TTC7A: variants seen among roughly 807,000 people sequenced by gnomAD.
The protein encoded by TTC7A is tetratricopeptide repeat domain 7A.
A neutral mutation model predicts 103.7 loss-of-function variants in TTC7A; 110 were observed. That is an observed-to-expected ratio of 1.06 (90% confidence interval 0.91 to 1.24). TTC7A has a LOEUF of 1.24. Among genes scored for constraint, TTC7A ranks in the 50% most tolerant of loss-of-function variants. The pLI is 0.00. For synonymous variants in TTC7A, 521 were observed against 467.9 expected (o/e 1.11, Z -1.47); for missense variants, 1,340 against 1,116.3 (o/e 1.20, Z -2.86).
At chr2:46,917,526 C>G (rs1225139446) in intron 2 of TTC7A, among the ~76,000 whole-genome samples, 1 of 152,170 alleles carries the variant, frequency 6.6e-6, no homozygotes, top group Non-Finnish European at 1.5e-5. Context: ...ACTAGAGATA[C>G]AAATAAGACA....
At chr2:47,031,929 A>ACT (rs1296730301) in intron 15 of TTC7A, among the ~76,000 whole-genome samples, 1 of 151,632 alleles carries the variant, frequency 6.6e-6, no homozygotes, top group East Asian at 1.9e-4. Context: ...AGCTTCCTTG[A>ACT]CTCTCACCCC....
At chr2:47,064,588 C>T (rs1026689663) in intron 19 of TTC7A, among the ~76,000 whole-genome samples, 23 of 152,246 alleles carry the variant, frequency 1.5e-4, no homozygotes, top group African/African-American at 5.3e-4. Flanking sequence ...CCTCTTGGAG[C>T]TTATCTCTGC....
At position 46,956,988 on chromosome 2, in the gene TTC7A, G is replaced by A. The variant is rs758509419; in HGVS notation, c.498G>A (p.Ser166=). ...NKPLYQMRLL[S]EAFVIKGLSL... ...CCCTGTATCAGATGCGGCTGCTGTCGGAGGCTTTTGTCATCAAAGGTAGCT... is the reference window on the plus strand; with the variant it reads ...CCCTGTATCAGATGCGGCTGCTGTCAGAGGCTTTTGTCATCAAAGGTAGCT... The change falls in exon 3 of 20, where the codon TCG becomes TCA. Residue 166 remains serine (S), a synonymous_variant. Transcript: ENST00000319190. 10 of 1,614,016 alleles carry A rather than the reference G, an allele frequency of 6.2e-6. No individual in the cohort carries two copies. The African/African-American group carries it at 8.0e-5, about 13-fold the overall frequency.
Position 46,934,675 on chromosome 2 carries a change from ACT to A in TTC7A, c.83-15685_83-15684del, listed in dbSNP as rs560718158. On this transcript the variant is annotated intron_variant, in intron 2 of 20. Coordinates refer to the TTC7A transcript ENST00000409245. ...CAGTAAGCCTGGATGACAGAGGGAG[ACT>A]CTGTCTCAAAAACAAAAACAAACAA... Among the ~76,000 whole-genome samples the A allele has an allele frequency of 2.7e-3, 409 of 151,674 alleles. 3 individuals carry two copies. The highest frequency in any genetic ancestry group is 9.4e-3 in the African/African-American group (390 of 41,280).
chr2:46,943,191 C>G (rs995799286), intron 1 of TTC7A, among the ~76,000 whole-genome samples: 4 of 152,196 alleles, frequency 2.6e-5, no homozygotes, highest in Non-Finnish European at 2.9e-5. Context: ...GCATGAACCA[C>G]TGTGTCTGGC....
intron 5 of TTC7A, among the ~76,000 whole-genome samples, chr2:46,982,408 C>T (rs1401275364): frequency 1.3e-5 from 2 of 152,062 alleles, no homozygotes; most frequent in Non-Finnish European, 2.9e-5. Context: ...GGAAGGGCCC[C>T]TACTGGGAAA....
chr2:46,938,178 A>G (rs1030898245), upstream of TTC7A, among the ~76,000 whole-genome samples: 38 of 152,160 alleles, frequency 2.5e-4, no homozygotes, highest in African/African-American at 8.7e-4. Context: ...ACTAAAGAAA[A>G]AGAAAAAAGC....
At chr2:46,935,137 C>T (rs746903264) in intron 2 of TTC7A, among the ~76,000 whole-genome samples, 2 of 151,984 alleles carry the variant, frequency 1.3e-5, no homozygotes, top group Non-Finnish European at 2.9e-5. Context: ...ATTACTAGAC[C>T]AACACCCCTG....
chr2:47,041,943 A>G (rs952178971), intron 15 of TTC7A, among the ~76,000 whole-genome samples: 1 of 152,130 alleles, frequency 6.6e-6, no homozygotes, highest in Non-Finnish European at 1.5e-5. Flanking sequence ...ATTTAATTAT[A>G]TACGTATGCA....
chr2:46,986,412 G>A (rs1218711852), intron 5 of TTC7A, among the ~76,000 whole-genome samples: 7 of 152,178 alleles, frequency 4.6e-5, no homozygotes, highest in Non-Finnish European at 5.9e-5. Flanking sequence ...CCCTCACTGC[G>A]GGGTTCGAGC....
intron 3 of TTC7A, 116 bp from the exon 4 acceptor site, chr2:46,974,857 C>T: frequency 2.1e-6 from 3 of 1,454,114 alleles, no homozygotes; most frequent in Non-Finnish European, 9.4e-7. Flanking sequence ...TCCGCCTCCT[C>T]CTGGCTGCAC....
At chr2:47,010,129 C>A (rs1269023532) in intron 10 of TTC7A, among the ~76,000 whole-genome samples, 1 of 152,044 alleles carries the variant, frequency 6.6e-6, no homozygotes, top group African/African-American at 2.4e-5. Flanking sequence ...CATAAGATTG[C>A]TGTAAAAATT....
intron 2 of TTC7A, among the ~76,000 whole-genome samples, chr2:46,954,099 G>A (rs888134112): frequency 6.6e-6 from 1 of 152,120 alleles, no homozygotes; most frequent in Non-Finnish European, 1.5e-5. Context: ...TAATGACTGG[G>A]AAAGTTGGAT....
rs201816540 is a variant in TTC7A, at chr2:46,948,571, C to T, written c.185-1792C>T. 3.3e-5 allele frequency among the ~76,000 whole-genome samples: 5 copies of T among 152,194 alleles called. 1 individual carries two copies. The East Asian group carries it at 7.7e-4, about 23-fold the overall frequency. On this transcript the variant is annotated intron_variant, in intron 1 of 19. Transcript: ENST00000319190. ...TTCTTGGGATTCTGGGCTTTAGAACCGTTCTCTGTGGGGAATCTCCCTTAC... is the reference window on the plus strand; with the variant it reads ...TTCTTGGGATTCTGGGCTTTAGAACTGTTCTCTGTGGGGAATCTCCCTTAC...
intron 8 of TTC7A, among the ~76,000 whole-genome samples, chr2:47,002,469 G>A (rs1676921084): frequency 6.6e-6 from 1 of 152,178 alleles, no homozygotes. Context: ...AAGAAAGCAG[G>A]ATTCTGAGGC....
chr2:46,982,987 TAAAATA>T (rs1032148884), intron 5 of TTC7A, among the ~76,000 whole-genome samples: 2 of 151,562 alleles, frequency 1.3e-5, no homozygotes, highest in Non-Finnish European at 2.9e-5. Context: ...AATAAATAAA[TAAAATA>T]AAAATAGAAA....
At chr2:47,040,090 G>A (rs1681568802) in intron 15 of TTC7A, among the ~76,000 whole-genome samples, 1 of 152,204 alleles carries the variant, frequency 6.6e-6, no homozygotes, top group Non-Finnish European at 1.5e-5. Context: ...AGGGAACACC[G>A]AGCCTGGGTG....
At chr2:46,989,489 C>T (rs1428489776) in intron 5 of TTC7A, among the ~76,000 whole-genome samples, 1 of 152,230 alleles carries the variant, frequency 6.6e-6, no homozygotes, top group Non-Finnish European at 1.5e-5. Context: ...CTGCAGAGCC[C>T]TGGAGAAGCC....
intron 19 of TTC7A, among the ~76,000 whole-genome samples, chr2:47,065,410 T>C (rs1335929243): frequency 6.6e-6 from 1 of 152,152 alleles, no homozygotes; most frequent in Non-Finnish European, 1.5e-5. Flanking sequence ...GGATGGCAAA[T>C]TGTGGGAAGA....
Sources: allele counts gnomAD v4.1 joint callset (sites outside exome capture counted in the v4.1 genomes callset), GRCh38; gene constraint gnomAD v4.1.1; transcripts MANE v1.5; gene names NCBI Gene and HGNC (gene_info 2026-07-23, HGNC 2026-07-21).